The following SETD3 variants were observed in gnomAD, a reference collection of about 807,000 sequenced individuals.
SETD3 encodes the protein actin-histidine N-methyltransferase.
SETD3 carries 19 observed loss-of-function variants against 63.0 expected under a neutral mutation model. That is an observed-to-expected ratio of 0.30 (90% CI 0.21 to 0.44). The LOEUF is 0.44. SETD3 is among the 20% of genes least tolerant of loss of function. The probability of loss-of-function intolerance (pLI) is 1.00; values close to 1 mark genes in which losing one functional copy is unlikely to be tolerated. For synonymous variants in SETD3, 286 were observed against 264.1 expected (o/e 1.08, Z -0.80); for missense variants, 587 against 728.5 (o/e 0.81, Z 2.24).
rs1372645453 is a variant in SETD3, at chr14:99,452,891, G to C, written c.675+5388C>G. 2.6e-5 allele frequency among the ~76,000 whole-genome samples: 4 copies of C among 152,172 alleles called. 1 individual carries two copies. The East Asian group carries it at 7.7e-4, about 29-fold the overall frequency. On this transcript the variant is annotated intron_variant, in intron 6 of 12. Transcript: ENST00000331768. ...AGGTTTCAGTTCACATGCAGAGTTT[G>C]GTACAGGCCCCCAAGAAAACTATTT...
At chr14:99,426,880 T>G (rs1331528210) in intron 6 of SETD3, among the ~76,000 whole-genome samples, 1 of 152,126 alleles carries the variant, frequency 6.6e-6, no homozygotes, top group Non-Finnish European at 1.5e-5. Flanking sequence ...TACACCTCGC[T>G]CGGCCAACGA....
chr14:99,453,650 C>A (rs1433542386), intron 6 of SETD3, among the ~76,000 whole-genome samples: 1 of 151,992 alleles, frequency 6.6e-6, no homozygotes, highest in Non-Finnish European at 1.5e-5. Flanking sequence ...CATGGTGAAG[C>A]CCCGTCTCTA....
At chr14:99,431,590 C>T (rs1233646317) in intron 6 of SETD3, among the ~76,000 whole-genome samples, 1 of 151,992 alleles carries the variant, frequency 6.6e-6, no homozygotes, top group East Asian at 1.9e-4. Context: ...TTCCCGGGTT[C>T]AAGCGATTCT....
In SETD3 at chr14:99,404,028, C is replaced by A. The variant is rs149731315; in HGVS notation, c.1177+197G>T. On this transcript the variant is annotated intron_variant, in intron 11 of 12. Transcript: ENST00000331768. ...TTTGCGTATTACAAATTAATACTGA[C>A]AACACATCGAGGATTTAATAAAACA... is the stretch of plus-strand genomic sequence containing the variant. 1.9e-3 allele frequency among the ~76,000 whole-genome samples: 295 copies of A among 152,308 alleles called. 1 individual carries two copies. The highest frequency in any genetic ancestry group is 6.9e-3 in the African/African-American group (285 of 41,552).
At chr14:99,430,720 C>T (rs1158522412) in intron 6 of SETD3, among the ~76,000 whole-genome samples, 2 of 152,218 alleles carry the variant, frequency 1.3e-5, no homozygotes, top group South Asian at 4.1e-4. Flanking sequence ...CAGCGAGTGA[C>T]TGAACCTGGC....
chr14:99,403,269 T>TC (rs1306009494), intron 11 of SETD3, among the ~76,000 whole-genome samples: 12 of 152,102 alleles, frequency 7.9e-5, no homozygotes, highest in Non-Finnish European at 1.6e-4. Context: ...CACAGCAGCT[T>TC]CCCCCACATG....
chr14:99,400,011 G>A (rs545104834), intron 12 of SETD3, 88 bp downstream of exon 12: 1 of 1,243,142 alleles, frequency 8.0e-7, no homozygotes, highest in Admixed American at 2.6e-5. Flanking sequence ...AAAGTGCTGG[G>A]ATTACAGGCG....
At chr14:99,414,670 T>C (rs116820893) in intron 6 of SETD3, among the ~76,000 whole-genome samples, 200 of 152,376 alleles carry the variant, frequency 1.3e-3, no homozygotes, top group African/African-American at 4.6e-3. Context: ...TTTCATATTC[T>C]CTCTTCACCA....
chr14:99,458,310 C>A lies in SETD3; in HGVS notation c.644G>T (p.Arg215Leu). Residue 215 changes from arginine to leucine, a missense_variant, in exon 6 of 13, where the codon CGA becomes CTA. Coordinates refer to ENST00000331768, the MANE Select transcript of SETD3 (RefSeq NM_032233.3). ...DVFSQYKNTA[R>L]QYAYFYKVIQ... ...GACTTTATAGAAGTAGGCGTACTGTCGAGCTGTGTTTTTATACTGGCTGAA... is the reference window on the plus strand; with the variant it reads ...GACTTTATAGAAGTAGGCGTACTGTAGAGCTGTGTTTTTATACTGGCTGAA... 1 of 1,614,108 alleles carries A rather than the reference C, an allele frequency of 6.2e-7. No individual in the cohort carries two copies. The highest frequency in any genetic ancestry group is 1.1e-5 in the South Asian group (1 of 91,064).
intron 6 of SETD3, among the ~76,000 whole-genome samples, chr14:99,434,756 A>G (rs1893374477): frequency 6.9e-6 from 1 of 145,102 alleles, no homozygotes; most frequent in Non-Finnish European, 1.5e-5. Flanking sequence ...CTAAGGAAGG[A>G]GAATTGCTTG....
intron 6 of SETD3, among the ~76,000 whole-genome samples, chr14:99,420,977 T>TGG (rs1566694427): frequency 9.1e-5 from 1 of 10,996 alleles, no homozygotes. Context: ...GGGGGGGGGG[T>TGG]GGGAGGTGCA....
chr14:99,441,919 A>G (rs990577836), intron 6 of SETD3, among the ~76,000 whole-genome samples: 8 of 152,238 alleles, frequency 5.3e-5, no homozygotes, highest in Non-Finnish European at 8.8e-5. Flanking sequence ...AAGAGTGGCC[A>G]GGACTGGGTG....
At position 99,458,527 on chromosome 14, in the gene SETD3, A is replaced by G. The variant is rs1304381021; in HGVS notation, c.427T>C (p.Tyr143His). 1.2e-6 allele frequency: 2 copies of G among 1,613,832 alleles called. No individual in the cohort carries two copies. The highest frequency in any genetic ancestry group is 1.3e-5 in the African/African-American group (1 of 74,904). Residue 143 changes from tyrosine to histidine, a missense_variant, in exon 6 of 13, where the codon TAT becomes CAT. Tyr to His is a moderately conservative substitution (Grantham distance 83, BLOSUM62 2). Transcript: ENST00000331768. ...GCTTGAAGGATTCGGTCTTGAGAAT[A>G]TAAGGGCCCTGAATTAACCCAGAAG... ...SAKNSVLGPL[Y>H]SQDRILQAMG...
At chr14:99,427,929 G>A (rs1278803085) in intron 6 of SETD3, among the ~76,000 whole-genome samples, 2 of 152,226 alleles carry the variant, frequency 1.3e-5, no homozygotes, top group African/African-American at 2.4e-5. Context: ...CTAAAGATGG[G>A]CAGGATTTTC....
At chr14:99,481,710 C>G, upstream of SETD3, 1 of 382,884 alleles carries the variant, frequency 2.6e-6, no homozygotes, top group Non-Finnish European at 4.6e-6. Flanking sequence ...CGGACTCACC[C>G]TAGAACTGGT....
chr14:99,427,298 A>G (rs1328862564), intron 6 of SETD3, among the ~76,000 whole-genome samples: 1 of 152,202 alleles, frequency 6.6e-6, no homozygotes, highest in Non-Finnish European at 1.5e-5. Context: ...ACGTTACCCC[A>G]TCATAAGGAT....
intron 1 of SETD3, among the ~76,000 whole-genome samples, chr14:99,476,527 G>A (rs745730407): frequency 9.2e-5 from 14 of 152,172 alleles, no homozygotes; most frequent in Non-Finnish European, 1.6e-4. Flanking sequence ...AGGGAAAAAC[G>A]CAGAACCATG....
chr14:99,457,961 T>G (rs1894854671), intron 6 of SETD3, among the ~76,000 whole-genome samples: 2 of 152,240 alleles, frequency 1.3e-5, no homozygotes, highest in Admixed American at 6.5e-5. Context: ...AGTAACTTAT[T>G]GCATTAGATA....
At chr14:99,479,249 A>G (rs746178898) in intron 1 of SETD3, among the ~76,000 whole-genome samples, 1 of 152,244 alleles carries the variant, frequency 6.6e-6, no homozygotes, top group Non-Finnish European at 1.5e-5. Flanking sequence ...GGGTCCCAAT[A>G]AAGAGGTTCT....
Sources: gnomAD v4.1 joint callset for allele counts (sites outside exome capture counted in the v4.1 genomes callset) on GRCh38, gnomAD v4.1.1 for gene constraint, MANE v1.5 for transcripts, NCBI Gene and HGNC (gene_info 2026-07-23, HGNC 2026-07-21) for gene names.